Variants in DGUOK observed in about 807,000 individuals in gnomAD.
DGUOK encodes the protein deoxyguanosine kinase, mitochondrial.
A neutral mutation model predicts 36.6 loss-of-function variants in DGUOK; 30 were observed. The ratio of observed to expected loss-of-function variants is 0.82; its 90% confidence interval spans 0.61 to 1.11. The LOEUF is 1.11. Ranked by LOEUF, DGUOK falls within the 50% of genes most tolerant of loss-of-function variation. The pLI, the probability that DGUOK is intolerant of heterozygous loss-of-function variation, is 0.00. For missense variants in DGUOK, 361 were observed against 336.4 expected (o/e 1.07, Z -0.57); for synonymous variants, 145 against 126.3 (o/e 1.15, Z -0.99).
chr2:73,952,167 T>G (rs1682751667), intron 4 of DGUOK, among the ~76,000 whole-genome samples: 1 of 152,172 alleles, frequency 6.6e-6, no homozygotes, highest in Non-Finnish European at 1.5e-5. Flanking sequence ...AGAACTTGTT[T>G]CTAAAATAAA....
chr2:73,958,634 A>G (rs1683310219), intron 6 of DGUOK, 76 bp from the exon 7 acceptor site: 1 of 1,253,492 alleles, frequency 8.0e-7, no homozygotes, highest in South Asian at 1.2e-5. Context: ...GCTTGGCTGC[A>G]TATGCATTGG....
intron 4 of DGUOK, among the ~76,000 whole-genome samples, chr2:73,950,941 G>A (rs1682662809): frequency 6.6e-6 from 1 of 152,188 alleles, no homozygotes; most frequent in Non-Finnish European, 1.5e-5. Flanking sequence ...CATTGACTAT[G>A]CATAAAAGGA....
In DGUOK at chr2:73,943,942, C is replaced by T. The variant is rs542556041; in HGVS notation, c.256-2777C>T. The stretch of plus-strand genomic sequence containing the variant: ...GATTACAGGCATGAGCCACCATGTC[C>T]AGCCCCTAGGGAGAATTTCTTAAGC... On this transcript the variant is annotated intron_variant, in intron 2 of 6. Transcript: ENST00000264093. Among the ~76,000 whole-genome samples, 5 of 152,068 alleles carry T rather than the reference C, an allele frequency of 3.3e-5. No individual in the cohort carries two copies. The South Asian group carries it at 1.0e-3, about 32-fold the overall frequency.
intron 1 of DGUOK, among the ~76,000 whole-genome samples, chr2:73,935,832 C>A (rs1327159227): frequency 6.6e-6 from 1 of 152,114 alleles, no homozygotes; most frequent in East Asian, 1.9e-4. Context: ...TGTTATTGTT[C>A]CAGTCATTGG....
chr2:73,944,776 A>G (rs2104934846), intron 2 of DGUOK, among the ~76,000 whole-genome samples: 1 of 152,266 alleles, frequency 6.6e-6, no homozygotes, highest in South Asian at 2.1e-4. Flanking sequence ...CAGTCAACCT[A>G]TTGCATCTGC....
At chr2:73,938,374 C>T (rs1681636988) in intron 1 of DGUOK, among the ~76,000 whole-genome samples, 1 of 152,200 alleles carries the variant, frequency 6.6e-6, no homozygotes, top group South Asian at 2.1e-4. Flanking sequence ...GCGTTTGTAT[C>T]ACCCATACAA....
intron 1 of DGUOK, 105 bp downstream of exon 1, chr2:73,927,157 C>G: frequency 2.7e-6 from 4 of 1,506,866 alleles, no homozygotes; most frequent in Non-Finnish European, 3.6e-6. Context: ...TGCGGCCGGC[C>G]TCTTTTTCTG....
intron 4 of DGUOK, among the ~76,000 whole-genome samples, chr2:73,954,734 C>A (rs1051522368): frequency 5.9e-5 from 9 of 152,006 alleles, no homozygotes; most frequent in African/African-American, 2.2e-4. Context: ...GTGAAAAGAC[C>A]CACTAGCAGT....
At chr2:73,939,722 C>T (rs1288337956) in intron 2 of DGUOK, among the ~76,000 whole-genome samples, 1 of 152,224 alleles carries the variant, frequency 6.6e-6, no homozygotes, top group Non-Finnish European at 1.5e-5. Context: ...CTGAGTGGCA[C>T]ATTCTGGTTC....
chr2:73,927,172 G>T (rs1356041966), intron 1 of DGUOK, 120 bp downstream of exon 1: 1 of 1,378,182 alleles, frequency 7.3e-7, no homozygotes, highest in African/African-American at 1.4e-5. Context: ...TTTCTGGGCT[G>T]CGAGGAGAGC....
At position 73,957,153 on chromosome 2, in the gene DGUOK, C is replaced by T; in HGVS notation, c.620C>T (p.Ala207Val). The stretch of plus-strand genomic sequence containing the variant: ...TGTTTGAAGAGACTGTACCAGAGGG[C>T]CAGGGAGGAGGAGAAAGGAATTGAG... ...QVCLKRLYQRAREEEKGIELA... is the reference protein window; with the variant it reads ...QVCLKRLYQRVREEEKGIELA... Residue 207 changes from alanine to valine, a missense_variant, in exon 5 of 7, where the codon GCC becomes GTC. Coordinates refer to ENST00000264093, the MANE Select transcript of DGUOK (RefSeq NM_080916.3). The T allele has an allele frequency of 1.9e-6, 3 of 1,613,886 alleles. No homozygotes were observed. The highest frequency in any genetic ancestry group is 1.7e-6 in the Non-Finnish European group (2 of 1,179,898).
At chr2:73,957,336 G>T in intron 5 of DGUOK, 96 bp downstream of exon 5, 1 of 884,690 alleles carries the variant, frequency 1.1e-6, no homozygotes. Context: ...CTGTAGGAAG[G>T]TTCAGAATAT....
intron 3 of DGUOK, among the ~76,000 whole-genome samples, chr2:73,949,571 G>A (rs1682564515): frequency 6.6e-6 from 1 of 152,174 alleles, no homozygotes; most frequent in African/African-American, 2.4e-5. Flanking sequence ...GCTAGTGAAT[G>A]TTTCAGCCAG....
chr2:73,946,701 T>C lies in DGUOK; in HGVS notation c.256-18T>C. On this transcript the variant is annotated intron_variant, in intron 2 of 6. Coordinates refer to ENST00000264093, the MANE Select transcript of DGUOK (RefSeq NM_080916.3). ...ATGCTTTCTAGGAAATTTTCTTCTT[T>C]TTTTCATCTCCCTCTAGGCCTGCAC... 1 of 1,613,908 alleles carries C rather than the reference T, an allele frequency of 6.2e-7. No individual in the cohort carries two copies. The highest frequency in any genetic ancestry group is 1.1e-5 in the South Asian group (1 of 91,072).
At chr2:73,953,719 CTTTT>C (rs386390474) in intron 4 of DGUOK, among the ~76,000 whole-genome samples, 86 of 95,786 alleles carry the variant, frequency 9.0e-4, no homozygotes, top group African/African-American at 3.1e-3. Flanking sequence ...TCCCTAACTT[CTTTT>C]TTTTTTTTTT....
chr2:73,952,414 T>A (rs1157541310), intron 4 of DGUOK, among the ~76,000 whole-genome samples: 1 of 152,196 alleles, frequency 6.6e-6, no homozygotes, highest in African/African-American at 2.4e-5. Flanking sequence ...GAGGACAGTT[T>A]GAAGTGTCAA....
At chr2:73,939,960 G>T (rs1337248449) in intron 2 of DGUOK, among the ~76,000 whole-genome samples, 1 of 147,868 alleles carries the variant, frequency 6.8e-6, no homozygotes, top group Non-Finnish European at 1.5e-5. Context: ...GGGGTGCAAT[G>T]GTGTGATCTC....
chr2:73,956,980 C>CCGTGTCA, intron 4 of DGUOK, 145 bp from the exon 5 acceptor site: 2 of 522,512 alleles, frequency 3.8e-6, no homozygotes, highest in South Asian at 2.8e-5. Context: ...CCTCTGATTG[C>CCGTGTCA]ATAAGAAAAC....
intron 1 of DGUOK, among the ~76,000 whole-genome samples, chr2:73,938,030 GTCT>G (rs1240064389): frequency 6.6e-6 from 1 of 152,062 alleles, no homozygotes; most frequent in Non-Finnish European, 1.5e-5. Context: ...ATAGAATTCA[GTCT>G]TCTTACCATA....
Sources: allele counts gnomAD v4.1 joint callset (sites outside exome capture counted in the v4.1 genomes callset), GRCh38; gene constraint gnomAD v4.1.1; transcripts MANE v1.5; gene names NCBI Gene and HGNC (gene_info 2026-07-23, HGNC 2026-07-21).